Variants in ATP6V1H observed in about 807,000 individuals in gnomAD.
ATP6V1H encodes ATPase H+ transporting V1 subunit H.
A neutral mutation model predicts 71.7 loss-of-function variants in ATP6V1H; 39 were observed. The ratio of observed to expected loss-of-function variants is 0.54; its 90% CI spans 0.42 to 0.71. The LOEUF is 0.71. Ranked by LOEUF, ATP6V1H falls within the 30% of genes least tolerant of loss-of-function variation. The pLI, the probability that ATP6V1H is intolerant of heterozygous loss-of-function variation, is 0.00. For synonymous variants in ATP6V1H, 192 were observed against 199.3 expected, an observed-to-expected ratio of 0.96 and a Z score of 0.31; for missense variants, 509 against 594.9, an observed-to-expected ratio of 0.86 and a Z score of 1.50.
At chr8:53,783,474 G>C (rs755673927) in intron 9 of ATP6V1H, among the ~76,000 whole-genome samples, 15 of 151,854 alleles carry the variant, frequency 9.9e-5, no homozygotes, top group Non-Finnish European at 1.8e-4. Context: ...TCAATTTGTT[G>C]ATCTTTTCAA....
At chr8:53,836,239 G>A (rs1335075471) in intron 2 of ATP6V1H, among the ~76,000 whole-genome samples, 1 of 152,154 alleles carries the variant, frequency 6.6e-6, no homozygotes, top group East Asian at 1.9e-4. Context: ...TTGCTATGCT[G>A]ATATGTAAAG....
At chr8:53,764,064 G>A (rs1283989409) in intron 11 of ATP6V1H, among the ~76,000 whole-genome samples, 1 of 152,124 alleles carries the variant, frequency 6.6e-6, no homozygotes, top group African/African-American at 2.4e-5. Context: ...AAAGCAACAG[G>A]CCCACATGTT....
At chr8:53,788,260 T>C (rs958303136) in intron 9 of ATP6V1H, among the ~76,000 whole-genome samples, 6 of 152,202 alleles carry the variant, frequency 3.9e-5, no homozygotes, top group Non-Finnish European at 8.8e-5. Context: ...TTTCTGCCAT[T>C]GGACTGGGTC....
intron 2 of ATP6V1H, among the ~76,000 whole-genome samples, chr8:53,836,792 A>G (rs1237755081): frequency 1.3e-5 from 2 of 152,166 alleles, no homozygotes; most frequent in South Asian, 2.1e-4. Flanking sequence ...AACCTATATA[A>G]TCATGCACAT....
intron 9 of ATP6V1H, among the ~76,000 whole-genome samples, chr8:53,775,362 G>T (rs545030576): frequency 5.9e-5 from 9 of 152,222 alleles, no homozygotes; most frequent in Non-Finnish European, 1.3e-4. Flanking sequence ...AAGGGGACCG[G>T]AGCGGGTTGC....
intron 12 of ATP6V1H, among the ~76,000 whole-genome samples, chr8:53,753,937 C>T (rs983218836): frequency 6.6e-6 from 1 of 152,118 alleles, no homozygotes; most frequent in Admixed American, 6.5e-5. Flanking sequence ...GGGTCCGAGA[C>T]AAAGGATAGT....
intron 9 of ATP6V1H, among the ~76,000 whole-genome samples, chr8:53,776,628 A>G (rs1287980650): frequency 6.6e-6 from 1 of 152,246 alleles, no homozygotes; most frequent in Non-Finnish European, 1.5e-5. Context: ...AGCCAGTTCT[A>G]GGATGTATCA....
chr8:53,837,004 G>C (rs1404669529), intron 2 of ATP6V1H, among the ~76,000 whole-genome samples: 2 of 152,186 alleles, frequency 1.3e-5, no homozygotes, highest in East Asian at 3.9e-4. Flanking sequence ...AGCCAGGCGA[G>C]GTGGCAGGTG....
chr8:53,765,498 CACAA>C (rs1039276417), intron 11 of ATP6V1H, among the ~76,000 whole-genome samples: 7 of 124,358 alleles, frequency 5.6e-5, no homozygotes, highest in African/African-American at 2.1e-4. Flanking sequence ...CACACACACA[CACAA>C]GACCATCAGC....
At chr8:53,732,452 T>G (rs1488772406) in intron 13 of ATP6V1H, among the ~76,000 whole-genome samples, 2 of 152,080 alleles carry the variant, frequency 1.3e-5, no homozygotes, top group Non-Finnish European at 2.9e-5. Context: ...GTGAGAACTC[T>G]CTGTGAATGT....
chr8:53,786,520 C>T (rs953667017), intron 9 of ATP6V1H, among the ~76,000 whole-genome samples: 8 of 152,264 alleles, frequency 5.3e-5, no homozygotes, highest in East Asian at 3.9e-4. Context: ...CTTTGGCTCA[C>T]GCACTGTGCG....
At chr8:53,795,454 T>G (rs1350142828) in intron 9 of ATP6V1H, among the ~76,000 whole-genome samples, 193 bp downstream of exon 9, 1 of 152,224 alleles carries the variant, frequency 6.6e-6, no homozygotes, top group Non-Finnish European at 1.5e-5. Flanking sequence ...CATTCATAGA[T>G]AGTTTCCTCT....
At chr8:53,726,044 T>C (rs1221332042) in intron 13 of ATP6V1H, among the ~76,000 whole-genome samples, 1 of 151,228 alleles carries the variant, frequency 6.6e-6, no homozygotes, top group Non-Finnish European at 1.5e-5. Context: ...CTCAAAACCA[T>C]CCAAAGATTA....
intron 9 of ATP6V1H, among the ~76,000 whole-genome samples, chr8:53,782,178 G>C (rs925037763): frequency 6.6e-6 from 1 of 152,066 alleles, no homozygotes; most frequent in Non-Finnish European, 1.5e-5. Context: ...CATGAGCATG[G>C]AATGTTCTTC....
chr8:53,743,223 T>C (rs1165834350), intron 13 of ATP6V1H, among the ~76,000 whole-genome samples: 1 of 152,230 alleles, frequency 6.6e-6, no homozygotes, highest in Non-Finnish European at 1.5e-5. Flanking sequence ...GTTTACCATA[T>C]GCTGAATAGG....
At chr8:53,750,905 A>G (rs1210677538) in intron 12 of ATP6V1H, among the ~76,000 whole-genome samples, 1 of 152,240 alleles carries the variant, frequency 6.6e-6, no homozygotes, top group Non-Finnish European at 1.5e-5. Flanking sequence ...TACTTGCTTC[A>G]GCAAACACCT....
chr8:53,786,343 C>T (rs1404791183), intron 9 of ATP6V1H, among the ~76,000 whole-genome samples: 3 of 152,172 alleles, frequency 2.0e-5, no homozygotes, highest in East Asian at 1.9e-4. Context: ...GAGCCAGTTG[C>T]GGGATATAAT....
intron 4 of ATP6V1H, among the ~76,000 whole-genome samples, chr8:53,821,268 G>C (rs769111932): frequency 2.3e-4 from 35 of 151,616 alleles, no homozygotes; most frequent in South Asian, 4.2e-4. Context: ...AGCTACTCAG[G>C]AGGCTGAGGC....
intron 2 of ATP6V1H, 74 bp from the exon 3 acceptor site, chr8:53,833,160 C>T (rs2130529857): frequency 6.7e-6 from 8 of 1,188,212 alleles, no homozygotes; most frequent in South Asian, 2.6e-5. Context: ...AATTTTCAGT[C>T]CTTCTCTTCT....
Sources: gnomAD v4.1 joint callset for allele counts (sites outside exome capture counted in the v4.1 genomes callset) on GRCh38, gnomAD v4.1.1 for gene constraint, MANE v1.5 for transcripts, NCBI Gene and HGNC (gene_info 2026-07-23, HGNC 2026-07-21) for gene names.